The following GREB1L variants were observed in gnomAD, a reference collection of about 807,000 sequenced individuals.
The protein encoded by GREB1L is GREB1 like retinoic acid receptor coactivator.
GREB1L carries 17 observed loss-of-function variants against 200.8 expected under a neutral mutation model. The observed-to-expected ratio is 0.08, with a 90% CI of 0.06 to 0.13. GREB1L has a LOEUF of 0.13. GREB1L is among the 10% of genes least tolerant of loss of function. The probability of loss-of-function intolerance (pLI) is 1.00; values close to 1 mark genes in which losing one functional copy is unlikely to be tolerated. For synonymous variants in GREB1L, 789 were observed against 893.0 expected (o/e 0.88, Z 2.08); for missense variants, 1,657 against 2,367.7 (o/e 0.70, Z 6.23).
intron 1 of GREB1L, among the ~76,000 whole-genome samples, chr18:21,359,232 A>T (rs2039548730): frequency 6.6e-6 from 1 of 152,184 alleles, no homozygotes; most frequent in Admixed American, 6.5e-5. Context: ...AAGGCGGATT[A>T]TGAGGTCAGG....
rs1252813647 is a variant in GREB1L at position 21,525,941 on chromosome 18, G to A, written c.*3120G>A. Among the ~76,000 whole-genome samples, 1 of 152,152 alleles carries A rather than the reference G, an allele frequency of 6.6e-6. No individual in the cohort carries two copies. Among genetic ancestry groups the A allele is most frequent in the African/African-American group, 2.4e-5 (1 of 41,434 alleles). On this transcript the variant is annotated 3_prime_UTR_variant, in exon 33 of 33. Coordinates refer to ENST00000424526, the MANE Select transcript of GREB1L (RefSeq NM_001142966.3). Reference sequence around the variant, plus strand: ...GGAAGGGCAATAAATATTTGTAAGTGTAATGACAGACTTTCAGAGGAAAGT... The same window carrying A: ...GGAAGGGCAATAAATATTTGTAAGTATAATGACAGACTTTCAGAGGAAAGT...
intron 1 of GREB1L, among the ~76,000 whole-genome samples, chr18:21,260,472 C>G (rs754355104): frequency 5.3e-5 from 8 of 151,802 alleles, no homozygotes; most frequent in Non-Finnish European, 8.8e-5. Flanking sequence ...ACTGTTAGTC[C>G]TTTATATTAG....
At chr18:21,377,919 CAG>C (rs547930150) in intron 2 of GREB1L, among the ~76,000 whole-genome samples, 5 of 151,934 alleles carry the variant, frequency 3.3e-5, no homozygotes, top group Non-Finnish European at 7.4e-5. Flanking sequence ...TCAAAAAAAA[CAG>C]AGACAAGGTA....
chr18:21,301,322 G>A (rs1213571506), intron 1 of GREB1L, among the ~76,000 whole-genome samples: 1 of 152,158 alleles, frequency 6.6e-6, no homozygotes, highest in African/African-American at 2.4e-5. Flanking sequence ...CTGGTATCTT[G>A]GAAGGGAAGC....
intron 14 of GREB1L, chr18:21,452,562 A>G: frequency 4.9e-6 from 1 of 204,762 alleles, no homozygotes; most frequent in South Asian, 1.2e-4. Context: ...AAAGAGTCAG[A>G]CTACAGGCAG....
chr18:21,434,345 G>A (rs1345341326), intron 7 of GREB1L, among the ~76,000 whole-genome samples: 3 of 151,776 alleles, frequency 2.0e-5, no homozygotes, highest in Non-Finnish European at 4.4e-5. Context: ...GCGTGGTGGC[G>A]TGCACCTGTA....
chr18:21,499,599 A>G (rs1333282440), intron 21 of GREB1L, 130 bp from the exon 22 acceptor site: 1 of 652,048 alleles, frequency 1.5e-6, no homozygotes, highest in East Asian at 2.7e-5. Context: ...CAAAGAGAAG[A>G]TTTCTTGCTC....
chr18:21,271,380 C>T (rs1307637341), intron 1 of GREB1L, among the ~76,000 whole-genome samples: 1 of 152,006 alleles, frequency 6.6e-6, no homozygotes, highest in African/African-American at 2.4e-5. Flanking sequence ...GACATGGTGG[C>T]TCTCACCTGT....
chr18:21,414,839 G>C (rs2031465643), intron 7 of GREB1L, among the ~76,000 whole-genome samples: 1 of 151,980 alleles, frequency 6.6e-6, no homozygotes, highest in Non-Finnish European at 1.5e-5. Flanking sequence ...CCTCCCCCTG[G>C]AACAACTGCA....
intron 15 of GREB1L, among the ~76,000 whole-genome samples, chr18:21,460,526 G>C (rs1207738097): frequency 6.6e-6 from 1 of 152,014 alleles, no homozygotes; most frequent in Non-Finnish European, 1.5e-5. Context: ...TTTTTATATA[G>C]ACGGAGTTTC....
At chr18:21,284,121 A>G (rs946561051) in intron 1 of GREB1L, among the ~76,000 whole-genome samples, 4 of 152,012 alleles carry the variant, frequency 2.6e-5, no homozygotes, top group African/African-American at 4.8e-5. Flanking sequence ...CCTGTCACAC[A>G]CCCCTACTTC....
chr18:21,253,643 G>A (rs1316251468), intron 1 of GREB1L, among the ~76,000 whole-genome samples: 2 of 152,082 alleles, frequency 1.3e-5, no homozygotes, highest in South Asian at 2.1e-4. Context: ...AGAAATAGTA[G>A]CATGTGAGAA....
chr18:21,295,270 C>T (rs1345672758), intron 1 of GREB1L, among the ~76,000 whole-genome samples: 1 of 152,168 alleles, frequency 6.6e-6, no homozygotes, highest in Non-Finnish European at 1.5e-5. Context: ...AACCTTGCTT[C>T]CTCATGGTGA....
At chr18:21,331,027 A>G (rs2039099867) in intron 1 of GREB1L, among the ~76,000 whole-genome samples, 2 of 152,226 alleles carry the variant, frequency 1.3e-5, no homozygotes. Context: ...TCTTTTTTAT[A>G]AATCAACATC....
rs866849642 is a variant in GREB1L, at chr18:21,500,557, C to T, written c.3987C>T (p.Ser1329=). ...TCCATTAGGTGGGAAAGACGGGCTC[C>T]TATTTACAGTTCCTCAGGATCCTCT... ...TGPPQVGKTG[S]YLQFLRILFR... The change falls in exon 23 of 33, where the codon TCC becomes TCT. Residue 1329 remains serine, a synonymous_variant. Coordinates refer to ENST00000424526, the MANE Select transcript of GREB1L (RefSeq NM_001142966.3). 1.2e-5 allele frequency: 19 copies of T among 1,550,592 alleles called. No individual in the cohort carries two copies. The African/African-American group carries it at 2.5e-4, about 20-fold the overall frequency.
intron 7 of GREB1L, among the ~76,000 whole-genome samples, chr18:21,426,958 C>CAAAA (rs568993346): frequency 8.8e-5 from 6 of 68,424 alleles, no homozygotes; most frequent in African/African-American, 1.9e-4. Context: ...GACTACGTCT[C>CAAAA]AAAAAAAAAA....
At chr18:21,401,851 T>C (rs889464228) in intron 6 of GREB1L, 4 of 152,282 alleles carry the variant, frequency 2.6e-5, no homozygotes, top group African/African-American at 9.6e-5. Flanking sequence ...AGTTGAAACT[T>C]CACATCTTCA....
intron 1 of GREB1L, among the ~76,000 whole-genome samples, chr18:21,337,724 C>T (rs763996312): frequency 2.0e-5 from 3 of 152,156 alleles, no homozygotes; most frequent in Non-Finnish European, 4.4e-5. Context: ...CAGTGGCTCA[C>T]ACCTGTAATC....
At chr18:21,329,725 T>A (rs2039078800) in intron 1 of GREB1L, among the ~76,000 whole-genome samples, 1 of 152,042 alleles carries the variant, frequency 6.6e-6, no homozygotes, top group Non-Finnish European at 1.5e-5. Flanking sequence ...ACAATGAGGA[T>A]TGGTCCCCCT....
Sources: gnomAD v4.1 joint callset for allele counts (sites outside exome capture counted in the v4.1 genomes callset) on GRCh38, gnomAD v4.1.1 for gene constraint, MANE v1.5 for transcripts, NCBI Gene and HGNC (gene_info 2026-07-23, HGNC 2026-07-21) for gene names.